The following TRHDE variants were observed in gnomAD, a reference collection of about 807,000 sequenced individuals.
The protein encoded by TRHDE is thyrotropin releasing hormone degrading enzyme, also known as thyrotropin-releasing hormone-degrading ectoenzyme.
TRHDE carries 72 observed loss-of-function variants against 125.7 expected under a neutral mutation model. That is an observed-to-expected ratio of 0.57 (90% CI 0.47 to 0.70). The LOEUF is 0.70. TRHDE is among the 30% of genes least tolerant of loss of function. The pLI is 0.00. For synonymous variants in TRHDE, 509 were observed against 509.1 expected (o/e 1.00, Z 0.00); for missense variants, 1,110 against 1,327.1 (o/e 0.84, Z 2.54).
chr12:72,185,827 A>G (rs1437386965), intron 2 of TRHDE, among the ~76,000 whole-genome samples: 2 of 151,590 alleles, frequency 1.3e-5, no homozygotes, highest in African/African-American at 2.4e-5. Flanking sequence ...AAATACACCA[A>G]TCAGCACCCT....
intron 12 of TRHDE, among the ~76,000 whole-genome samples, chr12:72,604,553 A>T (rs1872350288): frequency 6.6e-6 from 1 of 152,036 alleles, no homozygotes; most frequent in South Asian, 2.1e-4. Context: ...TGGTTCTCTT[A>T]CTGAAGAGAA....
At chr12:72,108,322 A>G (rs1274781887) in intron 2 of TRHDE, among the ~76,000 whole-genome samples, 1 of 152,130 alleles carries the variant, frequency 6.6e-6, no homozygotes, top group Non-Finnish European at 1.5e-5. Context: ...TCAGAAGAAC[A>G]GTTCTTACCC....
At chr12:72,518,487 C>T (rs1183284771) in intron 6 of TRHDE, among the ~76,000 whole-genome samples, 1 of 151,866 alleles carries the variant, frequency 6.6e-6, no homozygotes, top group Non-Finnish European at 1.5e-5. Context: ...TTTTAGTTTT[C>T]CATTTGCTTG....
intron 2 of TRHDE, among the ~76,000 whole-genome samples, chr12:72,120,921 G>C (rs1299864466): frequency 5.3e-5 from 8 of 151,878 alleles, no homozygotes; most frequent in Non-Finnish European, 1.0e-4. Context: ...CTCGTGGTCT[G>C]CCCCACTCAG....
intron 12 of TRHDE, among the ~76,000 whole-genome samples, chr12:72,613,877 T>A (rs1872715178): frequency 6.6e-6 from 1 of 152,034 alleles, no homozygotes; most frequent in Admixed American, 6.6e-5. Flanking sequence ...ACTGTGTAAT[T>A]TATAAGAAAA....
intron 3 of TRHDE, among the ~76,000 whole-genome samples, chr12:72,379,823 C>T (rs560185423): frequency 1.3e-5 from 2 of 152,116 alleles, no homozygotes; most frequent in Non-Finnish European, 2.9e-5. Context: ...TTGACTTATC[C>T]CAGCATACTT....
chr12:72,275,485 T>A (rs1879453105), intron 1 of TRHDE, among the ~76,000 whole-genome samples: 2 of 152,196 alleles, frequency 1.3e-5, no homozygotes, highest in Admixed American at 6.5e-5. Flanking sequence ...ATTAAAAATA[T>A]TTTTTAAACC....
At chr12:72,462,682 T>G (rs1356018831) in intron 3 of TRHDE, among the ~76,000 whole-genome samples, 1 of 152,234 alleles carries the variant, frequency 6.6e-6, no homozygotes, top group African/African-American at 2.4e-5. Context: ...GCTTAGATAC[T>G]AATTTTCTTA....
At chr12:72,257,957 A>C (rs7307765) in intron 2 of TRHDE, 68,777 of 151,968 alleles carry the variant, frequency 0.45, 19,377 homozygotes, top group African/African-American at 0.81. Flanking sequence ...CAGTTTAAAT[A>C]GTTGGTCCAA....
intron 7 of TRHDE, among the ~76,000 whole-genome samples, chr12:72,559,973 ACTAAGTGCTCCAT>A (rs1357379483): frequency 6.6e-6 from 1 of 152,166 alleles, no homozygotes; most frequent in African/African-American, 2.4e-5. Flanking sequence ...ACCTGAACAC[ACTAAGTGCTCCAT>A]AAATTTTGTG....
In TRHDE at chr12:72,667,397, T is replaced by G. The variant is rs1018112591; in HGVS notation, c.*4202T>G. On this transcript the variant is annotated 3_prime_UTR_variant, in exon 19 of 19. Coordinates refer to ENST00000261180, the MANE Select transcript of TRHDE (RefSeq NM_013381.3). ...TCAGAGATCATAGCTGAATTATCAT[T>G]TGACAATACATAAGAATATATATTG... The G allele has an allele frequency of 6.6e-6, 1 of 151,748 alleles. No homozygotes were observed. Among genetic ancestry groups the G allele is most frequent in the Non-Finnish European group, 1.5e-5 (1 of 67,802 alleles). 9.4% of individuals were successfully genotyped at this position (151,748 alleles called of 1,614,324 possible).
At chr12:72,226,216 A>C (rs1161984972) in intron 2 of TRHDE, among the ~76,000 whole-genome samples, 1 of 152,160 alleles carries the variant, frequency 6.6e-6, no homozygotes, top group Non-Finnish European at 1.5e-5. Context: ...AAAATGACTG[A>C]CATTGCTGAC....
intron 2 of TRHDE, among the ~76,000 whole-genome samples, chr12:72,154,074 G>T (rs193249341): frequency 7.9e-5 from 12 of 152,242 alleles, no homozygotes; most frequent in Admixed American, 7.2e-4. Flanking sequence ...ATGAATCTGG[G>T]TGCTCCTATA....
chr12:72,294,070 G>A (rs1463726869), intron 2 of TRHDE, among the ~76,000 whole-genome samples: 1 of 152,168 alleles, frequency 6.6e-6, no homozygotes, highest in African/African-American at 2.4e-5. Flanking sequence ...GGAGATGCCA[G>A]GAACCACAGG....
At chr12:72,164,131 A>G (rs1592465579) in intron 2 of TRHDE, among the ~76,000 whole-genome samples, 2 of 151,942 alleles carry the variant, frequency 1.3e-5, no homozygotes, top group East Asian at 1.9e-4. Flanking sequence ...AAACAACAAA[A>G]CAACAACAAC....
chr12:72,185,199 C>G (rs576936614), intron 2 of TRHDE, among the ~76,000 whole-genome samples: 1 of 152,202 alleles, frequency 6.6e-6, no homozygotes, highest in Admixed American at 6.5e-5. Context: ...GCCAGTGGCT[C>G]CGGAGGGTGT....
chr12:72,095,821 C>T (rs1874902643), intron 1 of TRHDE, among the ~76,000 whole-genome samples: 1 of 152,070 alleles, frequency 6.6e-6, no homozygotes, highest in Non-Finnish European at 1.5e-5. Context: ...TGTGGTCAAA[C>T]ATTATTCTGG....
Position 72,304,668 on chromosome 12 carries a change from T to C in TRHDE, c.1188+17714T>C, listed in dbSNP as rs370293874. On this transcript the variant is annotated intron_variant, in intron 2 of 18. Transcript: ENST00000261180. ...AATGTCTGTCTGATCGAGAGGACAG[T>C]TGACAGTGAGTTCCCCATAGCTAAG... is the stretch of plus-strand genomic sequence containing the variant. 9.6e-4 allele frequency among the ~76,000 whole-genome samples: 146 copies of C among 152,302 alleles called. 1 individual carries two copies. The South Asian group carries it at 0.029, about 31-fold the overall frequency.
At chr12:72,615,401 C>T (rs537716066) in intron 12 of TRHDE, among the ~76,000 whole-genome samples, 1 of 152,248 alleles carries the variant, frequency 6.6e-6, no homozygotes, top group African/African-American at 2.4e-5. Flanking sequence ...GTGTTTCATT[C>T]ACTGGATTCC....
Sources: allele counts gnomAD v4.1 joint callset (sites outside exome capture counted in the v4.1 genomes callset), GRCh38; gene constraint gnomAD v4.1.1; transcripts MANE v1.5; gene names NCBI Gene and HGNC (gene_info 2026-07-23, HGNC 2026-07-21).